TNRC6B: variants seen among roughly 807,000 people sequenced by gnomAD.
TNRC6B encodes trinucleotide repeat containing adaptor 6B.
Under a neutral mutation model 203.6 loss-of-function variants are expected in TNRC6B, and 52 were observed. The observed-to-expected ratio is 0.26, with a 90% CI of 0.20 to 0.32. The LOEUF (loss-of-function observed/expected upper bound fraction) is 0.32. Among genes scored for constraint, TNRC6B ranks in the 10% least tolerant of loss-of-function variants. The probability of loss-of-function intolerance (pLI) is 1.00; values close to 1 mark genes in which losing one functional copy is unlikely to be tolerated. For synonymous variants in TNRC6B, 838 were observed against 845.7 expected (o/e 0.99, Z 0.16); for missense variants, 1,923 against 2,286.2 (o/e 0.84, Z 3.24).
chr22:40,113,701 G>C (rs998483582), intron 1 of TNRC6B, among the ~76,000 whole-genome samples: 5 of 152,132 alleles, frequency 3.3e-5, no homozygotes, highest in African/African-American at 1.2e-4. Context: ...TAATTAACTA[G>C]ATATCTTCTT....
chr22:40,085,225 A>G (rs1458967992), intron 1 of TNRC6B, among the ~76,000 whole-genome samples: 1 of 152,164 alleles, frequency 6.6e-6, no homozygotes, highest in African/African-American at 2.4e-5. Flanking sequence ...ACACGTACAT[A>G]TTTCATTCAT....
chr22:40,180,541 A>C (rs548740440), intron 1 of TNRC6B, among the ~76,000 whole-genome samples: 1 of 152,248 alleles, frequency 6.6e-6, no homozygotes, highest in Admixed American at 6.5e-5. Flanking sequence ...TATGGGAAGC[A>C]TTATGGCTCT....
intron 1 of TNRC6B, among the ~76,000 whole-genome samples, chr22:40,083,239 A>G (rs750403780): frequency 1.2e-4 from 19 of 152,170 alleles, no homozygotes; most frequent in Non-Finnish European, 2.5e-4. Flanking sequence ...TCCCTCACCA[A>G]TCCCAGGACA....
intron 1 of TNRC6B, among the ~76,000 whole-genome samples, chr22:40,209,738 A>G (rs2069534782): frequency 6.6e-6 from 1 of 152,192 alleles, no homozygotes; most frequent in Non-Finnish European, 1.5e-5. Flanking sequence ...AAGAGAATGC[A>G]GGCCAGGCGC....
chr22:40,113,763 C>A (rs1383867182), intron 1 of TNRC6B, among the ~76,000 whole-genome samples: 1 of 152,180 alleles, frequency 6.6e-6, no homozygotes, highest in Non-Finnish European at 1.5e-5. Context: ...TGGTACCCTC[C>A]TGTCTGCCAC....
Position 40,267,019 on chromosome 22 carries a change from C to T in TNRC6B, c.2789C>T (p.Thr930Ile). The T allele has an allele frequency of 6.2e-7, 1 of 1,600,112 alleles. No individual in the cohort carries two copies. Among genetic ancestry groups the T allele is most frequent in the Non-Finnish European group, 8.5e-7 (1 of 1,172,802 alleles). The change falls in exon 5 of 23, where the codon ACC (threonine) becomes ATC (isoleucine). Residue 930 changes from threonine to isoleucine, a missense_variant. Coordinates refer to ENST00000454349, the MANE Select transcript of TNRC6B (RefSeq NM_001162501.2). Reference sequence around the variant, plus strand: ...GAACCAAACCTGCCCACCCCAATGACCAGTAAATCGGCATCAGGTAAGCAG... The same window carrying T: ...GAACCAAACCTGCCCACCCCAATGATCAGTAAATCGGCATCAGGTAAGCAG... Reference protein sequence around the residue: ...PREPNLPTPMTSKSASVWSKS... With the variant: ...PREPNLPTPMISKSASVWSKS...
chr22:40,066,489 C>G (rs147677723), intron 1 of TNRC6B, among the ~76,000 whole-genome samples: 6 of 152,002 alleles, frequency 3.9e-5, no homozygotes, highest in Middle Eastern at 3.2e-3. Context: ...GAGGAGCAAC[C>G]AGGAGTATGT....
intron 1 of TNRC6B, among the ~76,000 whole-genome samples, chr22:40,222,728 CTTTTTTTTTTTTTTTTTTT>C (rs61374373): frequency 5.0e-5 from 2 of 40,214 alleles, no homozygotes; most frequent in East Asian, 9.4e-4. Flanking sequence ...CTCTCTCTCT[CTTTTTTTTTTTTTTTTTTT>C]TTTTTTTTTT....
At chr22:40,247,390 G>A (rs1230419072) in intron 2 of TNRC6B, among the ~76,000 whole-genome samples, 1 of 152,238 alleles carries the variant, frequency 6.6e-6, no homozygotes, top group East Asian at 1.9e-4. Flanking sequence ...AACACTGCAC[G>A]TTTTTCCAGC....
At chr22:40,112,237 C>G (rs1006404296) in intron 1 of TNRC6B, among the ~76,000 whole-genome samples, 3 of 152,112 alleles carry the variant, frequency 2.0e-5, no homozygotes, top group African/African-American at 7.2e-5. Flanking sequence ...AGAAACAGAC[C>G]AAGAGGTAGC....
intron 1 of TNRC6B, among the ~76,000 whole-genome samples, chr22:40,214,549 G>GTT (rs71735740): frequency 0.56 from 82,580 of 148,098 alleles, 24,936 homozygotes; most frequent in African/African-American, 0.8. Flanking sequence ...TCTTTCTGTG[G>GTT]TTTTTTTTTT....
intron 1 of TNRC6B, among the ~76,000 whole-genome samples, chr22:40,207,770 C>T (rs1477481492): frequency 6.6e-6 from 1 of 151,954 alleles, no homozygotes; most frequent in African/African-American, 2.4e-5. Flanking sequence ...AGTTAAACCA[C>T]AATGAGGTCC....
At chr22:40,151,412 G>T (rs1316269850) in intron 3 of TNRC6B, among the ~76,000 whole-genome samples, 1 of 151,730 alleles carries the variant, frequency 6.6e-6, no homozygotes, top group Non-Finnish European at 1.5e-5. Context: ...AAAAATGCAC[G>T]CCTGTAATCC....
chr22:40,103,522 G>A (rs979057839), intron 1 of TNRC6B, among the ~76,000 whole-genome samples: 1 of 152,108 alleles, frequency 6.6e-6, no homozygotes, highest in Non-Finnish European at 1.5e-5. Flanking sequence ...TTATTGGTGA[G>A]TAGTTTTCTA....
chr22:40,133,970 CAAAAAAAAAAA>C (rs57924620), intron 3 of TNRC6B, among the ~76,000 whole-genome samples: 738 of 46,008 alleles, frequency 0.016, 8 homozygotes, highest in Middle Eastern at 0.043. Context: ...AGCTCCGTCT[CAAAAAAAAAAA>C]AAAAAAAAAA....
chr22:40,145,067 C>CAAA (rs768152120), intron 3 of TNRC6B, among the ~76,000 whole-genome samples: 3,521 of 95,826 alleles, frequency 0.037, 206 homozygotes, highest in African/African-American at 0.13. Context: ...TCTAGCTCCA[C>CAAA]AAAAAAAAAA....
rs199872724 is a variant in TNRC6B, at chr22:40,245,513, G to GA, written c.6-496dup. Among the ~76,000 whole-genome samples, 723 of 151,998 alleles carry GA rather than the reference G, an allele frequency of 4.8e-3. 7 individuals are homozygous for GA. Among genetic ancestry groups the GA allele is most frequent in the African/African-American group, 0.016 (684 of 41,462 alleles). On this transcript the variant is annotated intron_variant, in intron 1 of 22. Transcript: ENST00000454349. The stretch of plus-strand genomic sequence containing the variant: ...AACATATAGTATTAATACATATAGA[G>GA]AAAAAATTTAGAATACAGAACATAG...
intron 3 of TNRC6B, among the ~76,000 whole-genome samples, chr22:40,147,153 G>GCGAAAAGGTGGA (rs2068702569): frequency 1.3e-5 from 2 of 152,126 alleles, no homozygotes; most frequent in African/African-American, 4.8e-5. Flanking sequence ...CTACAACATA[G>GCGAAAAGGTGGA]ATGAATATTG....
At chr22:40,317,987 AAT>A (rs1360959835) in intron 21 of TNRC6B, among the ~76,000 whole-genome samples, 2 of 152,244 alleles carry the variant, frequency 1.3e-5, no homozygotes, top group Non-Finnish European at 1.5e-5. Flanking sequence ...TCTCTGGCCT[AAT>A]ATGTTTGACA....
Sources: allele counts gnomAD v4.1 joint callset (sites outside exome capture counted in the v4.1 genomes callset), GRCh38; gene constraint gnomAD v4.1.1; transcripts MANE v1.5; gene names NCBI Gene and HGNC (gene_info 2026-07-23, HGNC 2026-07-21).